Variants in PCCA observed in about 807,000 individuals in gnomAD.
PCCA encodes propionyl-CoA carboxylase alpha chain, mitochondrial.
In PCCA, 74 loss-of-function variants were observed where a neutral mutation model predicts 101.3. The ratio of observed to expected loss-of-function variants is 0.73; its 90% CI spans 0.61 to 0.89. PCCA has a LOEUF of 0.89. Ranked by LOEUF, PCCA falls within the 40% of genes least tolerant of loss-of-function variation. PCCA has a pLI of 0.00. For synonymous variants in PCCA, 294 were observed against 313.6 expected (o/e 0.94, Z 0.66); for missense variants, 891 against 907.0 (o/e 0.98, Z 0.23).
At chr13:100,392,370 T>C (rs2076840624) in intron 19 of PCCA, among the ~76,000 whole-genome samples, 1 of 152,208 alleles carries the variant, frequency 6.6e-6, no homozygotes, top group African/African-American at 2.4e-5. Flanking sequence ...AACAAACTAG[T>C]TACATAATGG....
intron 12 of PCCA, among the ~76,000 whole-genome samples, chr13:100,296,219 A>G (rs1179045300): frequency 6.6e-6 from 1 of 151,684 alleles, no homozygotes; most frequent in East Asian, 1.9e-4. Flanking sequence ...TAGGGACACT[A>G]TTTTTATTTT....
At chr13:100,270,291 A>G (rs764771549) in intron 11 of PCCA, among the ~76,000 whole-genome samples, 12 of 152,214 alleles carry the variant, frequency 7.9e-5, no homozygotes, top group Non-Finnish European at 1.2e-4. Flanking sequence ...TTAAGAAACC[A>G]TGTGCTGAGC....
At position 100,338,016 on chromosome 13, in the gene PCCA, G is replaced by GCC. The variant is rs1566956680; in HGVS notation, c.1541-2141_1541-2140insCC. On this transcript the variant is annotated intron_variant, in intron 17 of 23. Transcript: ENST00000376285. ...ACTAAACAGTTTCTTTACACAGTTT[G>GCC]ATAAATATCAGTCCAGAACAGTTGT... is the stretch of plus-strand genomic sequence containing the variant. 2.5e-3 allele frequency among the ~76,000 whole-genome samples: 386 copies of GCC among 152,298 alleles called. 4 individuals are homozygous for GCC. In the South Asian group the frequency reaches 0.028, roughly 11 times the overall value.
At chr13:100,204,606 A>G (rs1278515605) in intron 6 of PCCA, among the ~76,000 whole-genome samples, 1 of 152,222 alleles carries the variant, frequency 6.6e-6, no homozygotes, top group African/African-American at 2.4e-5. Flanking sequence ...AATTTTTACA[A>G]TGATTCTTTC....
chr13:100,340,986 A>G (rs1405137914), intron 18 of PCCA, among the ~76,000 whole-genome samples: 1 of 152,254 alleles, frequency 6.6e-6, no homozygotes, highest in East Asian at 1.9e-4. Context: ...AGCACAAATC[A>G]GAAACTGAAA....
rs1167332232 is a variant in PCCA at position 100,257,711 on chromosome 13, G to A, written c.716+38G>A. The A allele has an allele frequency of 3.5e-6, 5 of 1,445,422 alleles. No individual in the cohort carries two copies. In the Admixed American group the frequency reaches 5.1e-5, roughly 15 times the overall value. The allele number at this position is 1,445,422 out of a possible 1,614,324, so 89.5% of individuals were successfully genotyped here. A position where few individuals can be genotyped will look rare whatever the true frequency, so the allele number is the denominator to read the frequency against. ...CCAAAATATACTTTTGATGAAAATT[G>A]CAGTTACCAGAGTTTTATTAAACTG... On this transcript the variant is annotated intron_variant, in intron 9 of 23. Transcript: ENST00000376285.
rs1207559307 is a variant in PCCA at position 100,268,758 on chromosome 13, CAG to C, written c.891_892del (p.Lys298GlyfsTer44). The C allele has an allele frequency of 6.2e-7, 1 of 1,613,900 alleles. No homozygotes were observed. The highest frequency in any genetic ancestry group is 2.2e-5 in the East Asian group (1 of 44,876). ...ERECSIQRRN[Q>X]KVVEEAPSIF... ...AGAGTGCTCAATTCAGAGAAGAAAT[CAG>C]AAGGTGGTGGAGGAAGCACCAAGGT... On this transcript the variant is annotated frameshift_variant, in exon 11 of 24. Coordinates refer to ENST00000376285, the MANE Select transcript of PCCA (RefSeq NM_000282.4). LOFTEE classifies it high-confidence loss of function.
chr13:100,177,752 T>A (rs1160847458), intron 6 of PCCA, among the ~76,000 whole-genome samples: 4 of 152,140 alleles, frequency 2.6e-5, no homozygotes, highest in Non-Finnish European at 5.9e-5. Flanking sequence ...TAAAAATAAC[T>A]CAAGTCTTCA....
chr13:100,523,898 T>TGC (rs1382802607), intron 22 of PCCA, among the ~76,000 whole-genome samples: 2 of 152,236 alleles, frequency 1.3e-5, no homozygotes, highest in African/African-American at 4.8e-5. Context: ...TGGAGAAACG[T>TGC]GCGCACACAT....
intron 4 of PCCA, among the ~76,000 whole-genome samples, chr13:100,152,435 G>T (rs2390400): frequency 0.7 from 104,814 of 150,462 alleles, 37,375 homozygotes; most frequent in African/African-American, 0.85. Context: ...GTTCTTGATA[G>T]GTTTATTTTA....
Position 100,268,295 on chromosome 13 carries a change from A to G in PCCA, c.820-394A>G, listed in dbSNP as rs144502320. ...TACAATGTCATTTCCCAATCAACAGACATTTAATAATGTTAACATCAAGCA... is the reference window on the plus strand; with the variant it reads ...TACAATGTCATTTCCCAATCAACAGGCATTTAATAATGTTAACATCAAGCA... On this transcript the variant is annotated intron_variant, in intron 10 of 23. Coordinates refer to ENST00000376285, the MANE Select transcript of PCCA (RefSeq NM_000282.4). Among the ~76,000 whole-genome samples, 542 of 152,316 alleles carry G rather than the reference A, an allele frequency of 3.6e-3. 4 individuals carry two copies. Among genetic ancestry groups the G allele is most frequent in the African/African-American group, 0.012 (510 of 41,560 alleles).
chr13:100,347,314 G>A (rs986483641), intron 18 of PCCA, among the ~76,000 whole-genome samples: 2 of 152,162 alleles, frequency 1.3e-5, no homozygotes, highest in Non-Finnish European at 2.9e-5. Flanking sequence ...TGAAATACTT[G>A]CTTCATTGCA....
chr13:100,090,163 G>A (rs2046146471), intron 1 of PCCA, among the ~76,000 whole-genome samples: 1 of 152,128 alleles, frequency 6.6e-6, no homozygotes, highest in South Asian at 2.1e-4. Context: ...AATTTTAGAC[G>A]TTGAAGACAC....
At chr13:100,232,427 C>G (rs2060552354) in intron 7 of PCCA, among the ~76,000 whole-genome samples, 1 of 149,948 alleles carries the variant, frequency 6.7e-6, no homozygotes, top group African/African-American at 2.5e-5. Flanking sequence ...ATTTCCCAGG[C>G]AGGAGTGCAG....
intron 8 of PCCA, among the ~76,000 whole-genome samples, chr13:100,247,499 A>G (rs2152541085): frequency 6.9e-6 from 1 of 144,816 alleles, no homozygotes; most frequent in Admixed American, 7.0e-5. Flanking sequence ...TACAGGTGTG[A>G]GCCACCGTGC....
At chr13:100,347,702 C>T (rs2072490244) in intron 18 of PCCA, among the ~76,000 whole-genome samples, 1 of 151,942 alleles carries the variant, frequency 6.6e-6, no homozygotes, top group Non-Finnish European at 1.5e-5. Context: ...TATTTTTTAA[C>T]TCATTATCTT....
intron 6 of PCCA, chr13:100,161,449 G>C (rs1368099928): frequency 6.6e-6 from 1 of 152,202 alleles, no homozygotes; most frequent in African/African-American, 2.4e-5. Flanking sequence ...GTGGAGAATG[G>C]TGGCTTCCCT....
intron 10 of PCCA, among the ~76,000 whole-genome samples, chr13:100,264,335 A>G (rs1465793247): frequency 2.6e-5 from 4 of 152,102 alleles, no homozygotes; most frequent in Non-Finnish European, 5.9e-5. Context: ...CAATTTCTAT[A>G]CACACACATC....
intron 6 of PCCA, among the ~76,000 whole-genome samples, chr13:100,204,186 G>C (rs2058714312): frequency 6.6e-6 from 1 of 151,380 alleles, no homozygotes; most frequent in South Asian, 2.1e-4. Context: ...CTGGAGTGCA[G>C]CGGTGCAGTC....
Sources: gnomAD v4.1 joint callset for allele counts (sites outside exome capture counted in the v4.1 genomes callset) on GRCh38, gnomAD v4.1.1 for gene constraint, MANE v1.5 for transcripts, NCBI Gene and HGNC (gene_info 2026-07-23, HGNC 2026-07-21) for gene names.